The following KAT6B variants were observed in gnomAD, a reference collection of about 807,000 sequenced individuals.
KAT6B encodes lysine acetyltransferase 6B, also known as histone acetyltransferase KAT6B.
A neutral mutation model predicts 187.5 loss-of-function variants in KAT6B; 10 were observed. The observed-to-expected ratio is 0.05, with a 90% CI of 0.03 to 0.09. The LOEUF (loss-of-function observed/expected upper bound fraction) is 0.09. KAT6B is among the 10% of genes least tolerant of loss of function. The pLI, the probability that KAT6B is intolerant of heterozygous loss-of-function variation, is 1.00. For missense variants in KAT6B, 1,952 were observed against 2,558.9 expected (o/e 0.76, Z 5.12); for synonymous variants, 861 against 926.8 (o/e 0.93, Z 1.29).
intron 3 of KAT6B, among the ~76,000 whole-genome samples, chr10:74,928,393 G>A (rs1848644854): frequency 6.6e-6 from 1 of 152,184 alleles, no homozygotes. Context: ...TAAGATTTAT[G>A]CATGTGAAAC....
At chr10:74,952,225 C>T (rs1840365128) in intron 3 of KAT6B, among the ~76,000 whole-genome samples, 1 of 151,920 alleles carries the variant, frequency 6.6e-6, no homozygotes, top group African/African-American at 2.4e-5. Flanking sequence ...CGTGGTAGTG[C>T]GCCAGTATAG....
At chr10:75,018,109 G>A (rs1215554638) in intron 13 of KAT6B, among the ~76,000 whole-genome samples, 1 of 152,214 alleles carries the variant, frequency 6.6e-6, no homozygotes, top group Non-Finnish European at 1.5e-5. Flanking sequence ...CCCGCCTGCT[G>A]TGCTCTGGCT....
Position 74,962,548 on chromosome 10 carries a change from GTTGT to G in KAT6B, c.730+2473_730+2476del, listed in dbSNP as rs1374260784. ...TGTTCAAAGGGATCCCAAAATGTAA[GTTGT>G]TTATGTGAAAAAATACCCATAGCAG... On this transcript the variant is annotated intron_variant, in intron 4 of 17. Transcript: ENST00000287239. 2.0e-5 allele frequency among the ~76,000 whole-genome samples: 3 copies of G among 152,148 alleles called. No individual in the cohort carries two copies. In the East Asian group the frequency reaches 5.8e-4, roughly 29 times the overall value.
At chr10:74,914,119 G>A (rs1174498178) in intron 3 of KAT6B, among the ~76,000 whole-genome samples, 1 of 151,752 alleles carries the variant, frequency 6.6e-6, no homozygotes, top group Non-Finnish European at 1.5e-5. Flanking sequence ...CCAGGAGGCA[G>A]ACATTGCAGT....
chr10:74,913,567 A>AATTCTAGAAGC (rs1252807785), intron 3 of KAT6B, among the ~76,000 whole-genome samples: 3 of 152,238 alleles, frequency 2.0e-5, no homozygotes, highest in Admixed American at 6.5e-5. Flanking sequence ...GTATTCTCAT[A>AATTCTAGAAGC]ATGTTAATTG....
chr10:75,014,957 G>C (rs890506541), intron 13 of KAT6B, among the ~76,000 whole-genome samples: 1 of 152,204 alleles, frequency 6.6e-6, no homozygotes, highest in Non-Finnish European at 1.5e-5. Context: ...ATCAAAGCCA[G>C]CAGCTTCAGA....
chr10:74,843,609 C>A, intron 3 of KAT6B, 131 bp downstream of exon 3: 1 of 1,150,264 alleles, frequency 8.7e-7, no homozygotes, highest in Non-Finnish European at 1.3e-6. Flanking sequence ...TTAGAGCAGG[C>A]TTTTGTATTT....
intron 13 of KAT6B, among the ~76,000 whole-genome samples, chr10:75,009,605 A>G (rs1015446043): frequency 6.6e-5 from 10 of 152,186 alleles, no homozygotes; most frequent in Non-Finnish European, 1.0e-4. Flanking sequence ...AGAGGTAGTC[A>G]TTGCTGTCTT....
intron 3 of KAT6B, among the ~76,000 whole-genome samples, chr10:74,941,724 C>T (rs1030066962): frequency 1.3e-5 from 2 of 152,162 alleles, no homozygotes; most frequent in African/African-American, 4.8e-5. Context: ...ACTCAGACAA[C>T]TGACAACATA....
At chr10:75,005,470 A>C (rs1017975715) in intron 13 of KAT6B, among the ~76,000 whole-genome samples, 38 of 151,976 alleles carry the variant, frequency 2.5e-4, no homozygotes, top group African/African-American at 8.2e-4. Flanking sequence ...CACCCACCTC[A>C]GCCTCCCAAA....
At chr10:74,929,439 C>T (rs911767088) in intron 3 of KAT6B, among the ~76,000 whole-genome samples, 1 of 152,056 alleles carries the variant, frequency 6.6e-6, no homozygotes, top group Admixed American at 6.6e-5. Flanking sequence ...AAAAAATAAA[C>T]GAATGGCAGT....
At chr10:74,932,812 A>G (rs1045703393) in intron 3 of KAT6B, among the ~76,000 whole-genome samples, 5 of 152,126 alleles carry the variant, frequency 3.3e-5, no homozygotes, top group Admixed American at 2.6e-4. Flanking sequence ...ATAGCTGTCC[A>G]TCTGTTCTCC....
At chr10:74,878,513 G>A (rs374411958) in intron 3 of KAT6B, among the ~76,000 whole-genome samples, 34 of 151,772 alleles carry the variant, frequency 2.2e-4, no homozygotes, top group African/African-American at 7.5e-4. Context: ...CCAGCTACTC[G>A]GGAGGCTGAG....
At chr10:74,840,931 A>G (rs1441927938) in intron 2 of KAT6B, among the ~76,000 whole-genome samples, 1 of 152,208 alleles carries the variant, frequency 6.6e-6, no homozygotes, top group African/African-American at 2.4e-5. Context: ...AAGGAAAGAT[A>G]TTATTTTCTT....
At chr10:74,965,772 C>T (rs1841420031) in intron 4 of KAT6B, among the ~76,000 whole-genome samples, 1 of 151,146 alleles carries the variant, frequency 6.6e-6, no homozygotes, top group Non-Finnish European at 1.5e-5. Flanking sequence ...GATGCCCAGG[C>T]TGGAGTGCAG....
At chr10:74,897,481 TA>T (rs1366254989) in intron 3 of KAT6B, among the ~76,000 whole-genome samples, 2 of 152,178 alleles carry the variant, frequency 1.3e-5, no homozygotes, top group Non-Finnish European at 2.9e-5. Context: ...GCACAACCCT[TA>T]TCCCTCAGCC....
intron 4 of KAT6B, among the ~76,000 whole-genome samples, chr10:74,965,202 C>G (rs1841375230): frequency 6.6e-6 from 1 of 152,202 alleles, no homozygotes; most frequent in Non-Finnish European, 1.5e-5. Context: ...ACTTCTCTCT[C>G]CTTGGATATA....
At chr10:74,998,993 G>A (rs1453070747) in intron 13 of KAT6B, among the ~76,000 whole-genome samples, 1 of 152,176 alleles carries the variant, frequency 6.6e-6, no homozygotes, top group Non-Finnish European at 1.5e-5. Context: ...AATTATATAT[G>A]TAATATGTTC....
At chr10:75,020,964 A>T (rs1192898380) in intron 14 of KAT6B, 151 bp downstream of exon 14, 1 of 983,626 alleles carries the variant, frequency 1.0e-6, no homozygotes, top group East Asian at 2.5e-5. Flanking sequence ...ATGAAATGAC[A>T]CTTTTTTACT....
Sources: gnomAD v4.1 joint callset for allele counts (sites outside exome capture counted in the v4.1 genomes callset) on GRCh38, gnomAD v4.1.1 for gene constraint, MANE v1.5 for transcripts, NCBI Gene and HGNC (gene_info 2026-07-23, HGNC 2026-07-21) for gene names.